The following NTRK3 variants were observed in gnomAD, a reference collection of about 807,000 sequenced individuals.
The protein encoded by NTRK3 is NT-3 growth factor receptor.
Under a neutral mutation model 91.7 loss-of-function variants are expected in NTRK3, and 24 were observed. The ratio of observed to expected loss-of-function variants is 0.26; its 90% CI spans 0.19 to 0.37. The LOEUF (loss-of-function observed/expected upper bound fraction) is 0.37. Among genes scored for constraint, NTRK3 ranks in the 10% least tolerant of loss-of-function variants. The pLI, the probability that NTRK3 is intolerant of heterozygous loss-of-function variation, is 1.00. For synonymous variants in NTRK3, 483 were observed against 404.0 expected (o/e 1.20, Z -2.34); for missense variants, 880 against 1,068.9 (o/e 0.82, Z 2.46).
chr15:88,141,537 C>A (rs1338746417), intron 6 of NTRK3, among the ~76,000 whole-genome samples: 4 of 152,194 alleles, frequency 2.6e-5, no homozygotes, highest in African/African-American at 9.6e-5. Context: ...ACCAGGTCAG[C>A]CTGGTTTTCC....
chr15:88,203,137 T>G (rs1226631982), intron 3 of NTRK3, among the ~76,000 whole-genome samples: 2 of 152,170 alleles, frequency 1.3e-5, no homozygotes, highest in African/African-American at 4.8e-5. Flanking sequence ...CCAGATCCAG[T>G]TTCCCACAGT....
In NTRK3 at chr15:88,234,946, G is replaced by A. The variant is rs1056231888; in HGVS notation, c.248+20960C>T. On this transcript the variant is annotated intron_variant, in intron 3 of 18. Transcript: ENST00000394480. This position sits in a 1 kb window ranked among gnomAD's most constrained non-coding sequence, Gnocchi z 6.1. ...AGCCCCTTCCAACCTGAGAGGCGTTGCACTGGCTACGCCCTGGGCCTGGAA... is the reference window on the plus strand; with the variant it reads ...AGCCCCTTCCAACCTGAGAGGCGTTACACTGGCTACGCCCTGGGCCTGGAA... Among the ~76,000 whole-genome samples the A allele has an allele frequency of 1.3e-5, 2 of 152,108 alleles. No individual in the cohort carries two copies. The highest frequency in any genetic ancestry group is 2.4e-5 in the African/African-American group (1 of 41,428).
intron 5 of NTRK3, among the ~76,000 whole-genome samples, chr15:88,156,267 C>A (rs993178298): frequency 2.0e-5 from 3 of 152,176 alleles, no homozygotes; most frequent in African/African-American, 7.2e-5. Flanking sequence ...GAGAGGTGAG[C>A]ACTTGCCATG....
At chr15:88,040,117 G>A (rs2079459287) in intron 13 of NTRK3, among the ~76,000 whole-genome samples, 3 of 138,388 alleles carry the variant, frequency 2.2e-5, no homozygotes, top group East Asian at 3.9e-4. Flanking sequence ...ATTTAAGAAT[G>A]TTAGCACAGG....
chr15:87,900,367 C>G (rs1301329678), intron 17 of NTRK3, among the ~76,000 whole-genome samples: 1 of 152,136 alleles, frequency 6.6e-6, no homozygotes, highest in Non-Finnish European at 1.5e-5. Context: ...TGGGGACAGG[C>G]AGAGGGAAGG....
intron 16 of NTRK3, among the ~76,000 whole-genome samples, chr15:87,930,224 C>T (rs1467279388): frequency 6.6e-6 from 1 of 152,156 alleles, no homozygotes; most frequent in Non-Finnish European, 1.5e-5. Context: ...ACCCCCAGAA[C>T]CCATTCCATC....
At chr15:88,177,177 C>G (rs1345146334) in intron 5 of NTRK3, among the ~76,000 whole-genome samples, 1 of 152,184 alleles carries the variant, frequency 6.6e-6, no homozygotes, top group Non-Finnish European at 1.5e-5. Context: ...AAACTATATC[C>G]ATGTGAGTCC....
At chr15:88,010,603 T>C (rs934331249) in intron 14 of NTRK3, among the ~76,000 whole-genome samples, 3 of 152,214 alleles carry the variant, frequency 2.0e-5, no homozygotes, top group Non-Finnish European at 4.4e-5. Context: ...ACAGATTTTA[T>C]TCCTAAAAGC....
rs79597588 is a variant in NTRK3, at chr15:87,947,512, A to G, written c.1586-6759T>C. Among the ~76,000 whole-genome samples the G allele has an allele frequency of 3.7e-3, 565 of 152,244 alleles. 2 individuals are homozygous for G. The highest frequency in any genetic ancestry group is 5.3e-3 in the Non-Finnish European group (360 of 68,008). Reference sequence around the variant, plus strand: ...CCTTGATTGCCACCACCTAAGCTCAATGTGAGCCACCAGGATGACATTTGA... The same window carrying G: ...CCTTGATTGCCACCACCTAAGCTCAGTGTGAGCCACCAGGATGACATTTGA... On this transcript the variant is annotated intron_variant, in intron 14 of 18. Transcript: ENST00000394480.
At chr15:88,022,096 G>A (rs1040112895) in intron 14 of NTRK3, among the ~76,000 whole-genome samples, 6 of 152,138 alleles carry the variant, frequency 3.9e-5, no homozygotes, top group African/African-American at 1.2e-4. Flanking sequence ...TGAGGGCGGA[G>A]TCCATCATCC....
intron 5 of NTRK3, among the ~76,000 whole-genome samples, chr15:88,166,667 T>G (rs757268652): frequency 6.6e-6 from 1 of 152,196 alleles, no homozygotes; most frequent in African/African-American, 2.4e-5. Flanking sequence ...TTTGGGAACG[T>G]TGGACTCCTG....
At chr15:88,094,192 C>A (rs369757779) in intron 13 of NTRK3, among the ~76,000 whole-genome samples, 6 of 151,898 alleles carry the variant, frequency 4.0e-5, no homozygotes, top group South Asian at 2.1e-4. Context: ...GTCGGCCGGG[C>A]GCGGTGGCTC....
intron 3 of NTRK3, among the ~76,000 whole-genome samples, chr15:88,248,329 G>A (rs1033322142): frequency 1.3e-5 from 2 of 152,162 alleles, no homozygotes; most frequent in South Asian, 4.1e-4. Flanking sequence ...CTACTAAGAG[G>A]CCTGCCTGGG....
At position 87,976,332 on chromosome 15, in the gene NTRK3, T is replaced by G. The variant is rs532797768; in HGVS notation, c.1586-35579A>C. Among the ~76,000 whole-genome samples the G allele has an allele frequency of 1.7e-4, 26 of 152,290 alleles. No homozygotes were observed. In the East Asian group the frequency reaches 4.6e-3, roughly 27 times the overall value. ...AACCAAACTAGACTTAAATAGAAGA[T>G]AAAGCAACTGAGGGTATATAGAAAA... is the stretch of plus-strand genomic sequence containing the variant. On this transcript the variant is annotated intron_variant, in intron 14 of 18. Coordinates refer to ENST00000394480, the Ensembl canonical transcript of NTRK3.
At chr15:88,208,483 G>A (rs1164343099) in intron 3 of NTRK3, among the ~76,000 whole-genome samples, 1 of 152,144 alleles carries the variant, frequency 6.6e-6, no homozygotes, top group Non-Finnish European at 1.5e-5. Flanking sequence ...ACCTGGGCAT[G>A]TTGTTAAAAT....
chr15:88,059,037 C>T (rs960129724), intron 13 of NTRK3, among the ~76,000 whole-genome samples: 1 of 145,850 alleles, frequency 6.9e-6, no homozygotes, highest in African/African-American at 2.5e-5. Flanking sequence ...CCCTTTATTT[C>T]ACTCACACAC....
At chr15:88,009,020 T>C (rs1224881243) in intron 14 of NTRK3, among the ~76,000 whole-genome samples, 1 of 152,176 alleles carries the variant, frequency 6.6e-6, no homozygotes, top group Non-Finnish European at 1.5e-5. Context: ...TTGTTTTCTT[T>C]CTGCCTCCAG....
At position 88,237,820 on chromosome 15, in the gene NTRK3, A is replaced by C. The variant is rs981219197; in HGVS notation, c.248+18086T>G. On this transcript the variant is annotated intron_variant, in intron 3 of 18. Transcript: ENST00000394480. The surrounding 1 kb of genome is among the most constrained non-coding windows in gnomAD (Gnocchi z 4.0). ...AACTTCCACAGAATTCTGCACTCAG[A>C]AAATCTAAAAATGGTGCTTTAAATT... Among the ~76,000 whole-genome samples, 2 of 152,226 alleles carry C rather than the reference A, an allele frequency of 1.3e-5. No homozygotes were observed. Among genetic ancestry groups the C allele is most frequent in the African/African-American group, 4.8e-5 (2 of 41,458 alleles).
Position 88,240,594 on chromosome 15 carries a change from C to A in NTRK3, c.248+15312G>T, listed in dbSNP as rs2052253793. Among the ~76,000 whole-genome samples, 1 of 152,100 alleles carries A rather than the reference C, an allele frequency of 6.6e-6. No homozygotes were observed. The highest frequency in any genetic ancestry group is 2.1e-4 in the South Asian group (1 of 4,822). On this transcript the variant is annotated intron_variant, in intron 3 of 18. Transcript: ENST00000394480. This position sits in a 1 kb window ranked among gnomAD's most constrained non-coding sequence, Gnocchi z 4.9. ...GAAAGGGGTCTGTAATACAGGGCTGCCCCCCTGGCTCTGGAGACAAACCTC... is the reference window on the plus strand; with the variant it reads ...GAAAGGGGTCTGTAATACAGGGCTGACCCCCTGGCTCTGGAGACAAACCTC...
Sources: allele counts gnomAD v4.1 joint callset (sites outside exome capture counted in the v4.1 genomes callset), GRCh38; gene constraint gnomAD v4.1.1; non-coding constraint Gnocchi (gnomAD v3.1); transcripts MANE v1.5; gene names NCBI Gene and HGNC (gene_info 2026-07-23, HGNC 2026-07-21).